DHX32: variants seen among roughly 807,000 people sequenced by gnomAD.
DHX32 encodes the protein putative pre-mRNA-splicing factor ATP-dependent RNA helicase DHX32.
A neutral mutation model predicts 70.0 loss-of-function variants in DHX32; 51 were observed. The observed-to-expected ratio is 0.73, with a 90% confidence interval of 0.58 to 0.92. The LOEUF is 0.92. DHX32 is among the 40% of genes least tolerant of loss of function. The pLI, the probability that DHX32 is intolerant of heterozygous loss-of-function variation, is 0.00. For synonymous variants in DHX32, 310 were observed against 315.3 expected (o/e 0.98, Z 0.18); for missense variants, 762 against 891.8 (o/e 0.85, Z 1.85).
intron 1 of DHX32, among the ~76,000 whole-genome samples, chr10:125,870,666 A>G (rs1023946644): frequency 1.3e-5 from 2 of 151,956 alleles, no homozygotes; most frequent in African/African-American, 2.4e-5. Context: ...ACGAAACCCC[A>G]TCTCTATTAA....
Position 125,838,086 on chromosome 10 carries a change from G to A in DHX32, c.2063+120C>T, listed in dbSNP as rs562175875. The A allele has an allele frequency of 1.3e-5, 12 of 942,258 alleles. No individual in the cohort carries two copies. The Admixed American group carries it at 1.8e-4, about 14-fold the overall frequency. 58.4% of individuals were successfully genotyped at this position (942,258 alleles called of 1,614,324 possible). On this transcript the variant is annotated intron_variant, in intron 10 of 10. Transcript: ENST00000284690. ...CCTGCCCTTAGTAGGTACTGTCAACGTAAATTAAGATTGCATCAGTATAAA... is the reference window on the plus strand; with the variant it reads ...CCTGCCCTTAGTAGGTACTGTCAACATAAATTAAGATTGCATCAGTATAAA...
chr10:125,884,645 T>C (rs1564833275), upstream of DHX32, among the ~76,000 whole-genome samples: 1 of 152,242 alleles, frequency 6.6e-6, no homozygotes, highest in African/African-American at 2.4e-5. Context: ...CTTAGTCATT[T>C]ATGTGTTTGG....
chr10:125,863,752 C>A (rs944835010), intron 2 of DHX32, among the ~76,000 whole-genome samples: 2 of 152,120 alleles, frequency 1.3e-5, no homozygotes, highest in Non-Finnish European at 2.9e-5. Flanking sequence ...CCCGGCCAAT[C>A]AATGATCAAT....
At chr10:125,876,391 G>C (rs903986931) in intron 1 of DHX32, among the ~76,000 whole-genome samples, 17 of 152,202 alleles carry the variant, frequency 1.1e-4, no homozygotes, top group Admixed American at 1.3e-4. Context: ...TGAACCCATT[G>C]GGTGGTTACA....
intron 6 of DHX32, among the ~76,000 whole-genome samples, chr10:125,850,962 C>T (rs757368145): frequency 2.0e-5 from 3 of 152,298 alleles, no homozygotes; most frequent in Non-Finnish European, 2.9e-5. Context: ...GTCCTGAGGC[C>T]TCCTACCCCA....
intron 4 of DHX32, 124 bp downstream of exon 4, chr10:125,853,837 A>G (rs1944122073): frequency 3.9e-6 from 5 of 1,272,298 alleles, no homozygotes; most frequent in Non-Finnish European, 5.4e-6. Context: ...CTCATGACCA[A>G]ATTCAACGAA....
rs761139243 is a variant in DHX32, at chr10:125,859,836, G to T, written c.616C>A (p.Leu206Ile). 6.2e-7 allele frequency: 1 copy of T among 1,614,074 alleles called. No individual in the cohort carries two copies. Among genetic ancestry groups the T allele is most frequent in the South Asian group, 1.1e-5 (1 of 91,078 alleles). ...ATGAGCTTCAGTTCTGGTCTTGCTA[G>T]TAAAACATCTTTAAGAAGTCCAAGT... ...VLLGLLKDVLLARPELKLIIN... is the reference protein window; with the variant it reads ...VLLGLLKDVLIARPELKLIIN... Residue 206 changes from leucine to isoleucine, a missense_variant, in exon 3 of 11, where the codon CTA becomes ATA. By Grantham distance (5) the Leu-to-Ile change is conservative. Coordinates refer to ENST00000284690, the MANE Select transcript of DHX32 (RefSeq NM_018180.3).
rs758741108 is a variant in DHX32, at chr10:125,836,698, T to C, written c.2221A>G (p.Thr741Ala). The change falls in exon 11 of 11, where the codon ACT (threonine) becomes GCT (alanine). Residue 741 changes from threonine (T) to alanine (A), a missense_variant. Physicochemically the swap from Thr to Ala is moderately conservative, Grantham distance 58 (BLOSUM62 0). Coordinates refer to ENST00000284690, the MANE Select transcript of DHX32 (RefSeq NM_018180.3). ...TGTTTGCTGGGGAGTCACTGGAGAG[T>C]GCATCTCTGTTCAGTTTCAGGGCAC... The part of the protein sequence containing the change: ...ETCPETEQRC[T>A]LQ 6.2e-7 allele frequency: 1 copy of C among 1,614,012 alleles called. No homozygotes were observed. The highest frequency in any genetic ancestry group is 8.5e-7 in the Non-Finnish European group (1 of 1,179,962).
intron 10 of DHX32, 101 bp downstream of exon 10, chr10:125,838,105 G>C (rs1189477631): frequency 8.8e-7 from 1 of 1,135,574 alleles, no homozygotes; most frequent in East Asian, 2.4e-5. Context: ...GATTGCATCA[G>C]TATAAACTTT....
At chr10:125,891,603 T>A (rs1340400708) in intron 1 of DHX32, among the ~76,000 whole-genome samples, 3 of 152,290 alleles carry the variant, frequency 2.0e-5, no homozygotes, top group Non-Finnish European at 2.9e-5. Context: ...AAAATATTTT[T>A]AAACATAAAT....
intron 6 of DHX32, among the ~76,000 whole-genome samples, chr10:125,848,122 G>A (rs1219667823): frequency 6.6e-6 from 1 of 152,174 alleles, no homozygotes; most frequent in Non-Finnish European, 1.5e-5. Context: ...ATTTATTTTA[G>A]GGTTGGGACT....
At chr10:125,842,137 C>T (rs1204636176) in intron 6 of DHX32, 1 of 689,000 alleles carries the variant, frequency 1.5e-6, no homozygotes, top group Non-Finnish European at 2.2e-6. Context: ...TGTGATTGTC[C>T]AGCTCATGCT....
chr10:125,849,670 G>C (rs766010199), intron 6 of DHX32, among the ~76,000 whole-genome samples: 12 of 152,210 alleles, frequency 7.9e-5, no homozygotes, highest in Non-Finnish European at 1.8e-4. Flanking sequence ...GAGCTATGGG[G>C]AGGGCCACAT....
chr10:125,852,599 G>A lies in DHX32; in HGVS notation c.1136C>T (p.Pro379Leu), dbSNP rs543883941. The change falls in exon 5 of 11, where the codon CCC becomes CTC. Residue 379 changes from proline to leucine, a missense_variant. Physicochemically the swap from Pro to Leu is moderately conservative, Grantham distance 98. This residue lies in a region of DHX32 where 394 missense variants were observed against 473.1 expected (regional missense o/e 0.83). Coordinates refer to ENST00000284690, the MANE Select transcript of DHX32 (RefSeq NM_018180.3). ...RIRANSLVMQPISQSQAEIRK... is the reference protein window; with the variant it reads ...RIRANSLVMQLISQSQAEIRK... ...TATCTCTGCCTGGCTCTGGCTGATG[G>A]GCTGCATGACGAGCGAGTTTGCTCT... The A allele has an allele frequency of 1.2e-6, 2 of 1,613,506 alleles. No individual in the cohort carries two copies. The highest frequency in any genetic ancestry group is 1.3e-5 in the African/African-American group (1 of 74,848).
intron 6 of DHX32, among the ~76,000 whole-genome samples, chr10:125,849,636 C>T (rs376752498): frequency 4.6e-5 from 7 of 152,138 alleles, no homozygotes; most frequent in African/African-American, 7.2e-5. Context: ...CCAGTCCTGC[C>T]GGTAGGTGTC....
intron 1 of DHX32, among the ~76,000 whole-genome samples, chr10:125,895,375 G>T (rs1464372267): frequency 6.6e-6 from 1 of 152,354 alleles, no homozygotes; most frequent in Middle Eastern, 3.4e-3. Context: ...TAATAGAGGG[G>T]CCATAATCTC....
intron 1 of DHX32, among the ~76,000 whole-genome samples, chr10:125,892,118 T>C (rs1403920758): frequency 3.9e-5 from 6 of 152,162 alleles, no homozygotes; most frequent in African/African-American, 1.4e-4. Flanking sequence ...AAAATTTTTT[T>C]CTTCTTTAGA....
Position 125,867,002 on chromosome 10 carries a change from T to G in DHX32, c.464A>C (p.Glu155Ala), listed in dbSNP as rs758652773. 2.5e-6 allele frequency: 4 copies of G among 1,613,380 alleles called. No individual in the cohort carries two copies. Among genetic ancestry groups the G allele is most frequent in the Non-Finnish European group, 3.4e-6 (4 of 1,179,596 alleles). ...VIPFENCCTN[E>A]TILRYCTDDM... Reference sequence around the variant, plus strand: ...CCCACAAACCAACCTCAGGATTGTTTCGTTGGTACAGCAGTTCTCGAAAGG... The same window carrying G: ...CCCACAAACCAACCTCAGGATTGTTGCGTTGGTACAGCAGTTCTCGAAAGG... Residue 155 changes from glutamate to alanine, a missense_variant, in exon 2 of 11, where the codon GAA becomes GCA. Glu to Ala is a moderately radical substitution (Grantham distance 107). This residue lies in a region of DHX32 where 394 missense variants were observed against 473.1 expected (regional missense o/e 0.83). Transcript: ENST00000284690.
chr10:125,840,614 G>A lies in DHX32; in HGVS notation c.1693+233C>T, dbSNP rs144838050. On this transcript the variant is annotated intron_variant, in intron 8 of 10. Coordinates refer to ENST00000284690, the MANE Select transcript of DHX32 (RefSeq NM_018180.3). ...AAGGCTGGCTGAGTGGAGTCCTGGA[G>A]CTCTGGAAGTACAGGCCCGCCATGG... is the stretch of plus-strand genomic sequence containing the variant. 4.8e-3 allele frequency among the ~76,000 whole-genome samples: 726 copies of A among 152,364 alleles called. 2 individuals are homozygous for A. The highest frequency in any genetic ancestry group is 0.01 in the Middle Eastern group (3 of 294).
Sources: gnomAD v4.1 joint callset for allele counts (sites outside exome capture counted in the v4.1 genomes callset) on GRCh38, gnomAD v4.1.1 for gene constraint, gnomAD v4.1.1 regional missense constraint, MANE v1.5 for transcripts, NCBI Gene and HGNC (gene_info 2026-07-23, HGNC 2026-07-21) for gene names.